Variants in CASD1 observed in about 807,000 individuals in gnomAD.
The protein encoded by CASD1 is N-acetylneuraminate (7)9-O-acetyltransferase.
CASD1 carries 41 observed loss-of-function variants against 100.0 expected under a neutral mutation model. The observed-to-expected ratio is 0.41, with a 90% CI of 0.32 to 0.53. The LOEUF is 0.53. Among genes scored for constraint, CASD1 ranks in the 20% least tolerant of loss-of-function variants. CASD1 has a pLI of 0.25. For synonymous variants in CASD1, 321 were observed against 315.6 expected (o/e 1.02, Z -0.18); for missense variants, 774 against 948.7 (o/e 0.82, Z 2.42).
chr7:94,584,070 T>C, the CASD1 span, among the ~76,000 whole-genome samples: 7 of 152,164 alleles, frequency 4.6e-5, no homozygotes, highest in African/African-American at 1.7e-4. Flanking sequence ...AATACCTCAA[T>C]ATGGTCAGTG....
the CASD1 span, chr7:94,603,220 G>A: frequency 1.1e-5 from 14 of 1,239,938 alleles, no homozygotes; most frequent in African/African-American, 3.0e-5. Flanking sequence ...AGCAGTTCAG[G>A]TTTTAGTCAA....
At chr7:94,623,737 CA>C in the CASD1 span, 696 of 332,598 alleles carry the variant, frequency 2.1e-3, no homozygotes, top group Admixed American at 6.9e-3. Flanking sequence ...TCTAAGATTT[CA>C]AAAAAAAAAC....
chr7:94,630,359 C>T, the CASD1 span, among the ~76,000 whole-genome samples: 3 of 151,614 alleles, frequency 2.0e-5, no homozygotes, highest in East Asian at 1.9e-4. Flanking sequence ...GCGGTTTTTA[C>T]GTATACTTAT....
chr7:94,619,051 T>A, the CASD1 span: 1 of 874,038 alleles, frequency 1.1e-6, no homozygotes, highest in Non-Finnish European at 1.9e-6. Context: ...AGTTCTGTCA[T>A]AATCCTGGCA....
rs766919883 is a variant in CASD1, at chr7:94,555,671, A to C, written c.2307A>C (p.Ser769=). 11 of 1,613,242 alleles carry C rather than the reference A, an allele frequency of 6.8e-6. No individual in the cohort carries two copies. In the Admixed American group the frequency reaches 1.8e-4, roughly 27 times the overall value. Residue 769 remains serine, a synonymous_variant, in exon 18 of 18, where the codon TCA becomes TCC. Transcript: ENST00000297273. Reference sequence around the variant, plus strand: ...AGATTATTATTCCTAAAGATAACTCATCTCTCTTGAAAAGGTTGGCATGTA... The same window carrying C: ...AGATTATTATTCCTAAAGATAACTCCTCTCTCTTGAAAAGGTTGGCATGTA... ...LAQIIIPKDN[S]SLLKRLACIA...
At chr7:94,551,096 A>G (rs572935301) in intron 14 of CASD1, among the ~76,000 whole-genome samples, 15 of 152,276 alleles carry the variant, frequency 9.9e-5, no homozygotes, top group Middle Eastern at 3.4e-3. Flanking sequence ...ACTGCTCAGA[A>G]TCAACCAGTG....
At chr7:94,535,877 C>G (rs2116327356) in intron 8 of CASD1, among the ~76,000 whole-genome samples, 1 of 152,296 alleles carries the variant, frequency 6.6e-6, no homozygotes, top group East Asian at 1.9e-4. Flanking sequence ...TACCTTAAAC[C>G]TTAAGCTTTC....
chr7:94,515,163 T>C (rs1182351288), intron 1 of CASD1, among the ~76,000 whole-genome samples: 2 of 152,102 alleles, frequency 1.3e-5, no homozygotes, highest in Non-Finnish European at 2.9e-5. Flanking sequence ...TTATATTAGA[T>C]TCTGGTAAAA....
chr7:94,588,948 A>G, the CASD1 span: 72 of 567,662 alleles, frequency 1.3e-4, no homozygotes, highest in African/African-American at 1.2e-3. Context: ...TGAAATTTTC[A>G]CTGCGGGCTA....
intron 10 of CASD1, 85 bp downstream of exon 10, chr7:94,539,141 T>C (rs1795261216): frequency 2.9e-6 from 2 of 691,336 alleles, no homozygotes; most frequent in African/African-American, 1.8e-5. Flanking sequence ...TTTTTGTGTT[T>C]TATAATCTCT....
chr7:94,613,269 T>G, the CASD1 span, among the ~76,000 whole-genome samples: 1 of 152,204 alleles, frequency 6.6e-6, no homozygotes, highest in Non-Finnish European at 1.5e-5. Context: ...TTTGTCTGAG[T>G]CCATGTGTAA....
At chr7:94,587,778 C>T in the CASD1 span, 1 of 1,546,766 alleles carries the variant, frequency 6.5e-7, no homozygotes, top group Non-Finnish European at 8.7e-7. Flanking sequence ...TTATACTTGC[C>T]TCAAATCTTT....
the CASD1 span, among the ~76,000 whole-genome samples, chr7:94,571,643 C>G: frequency 1.3e-5 from 2 of 152,074 alleles, no homozygotes; most frequent in Non-Finnish European, 2.9e-5. Context: ...AAATGGTAAA[C>G]TTAGATACGT....
At chr7:94,599,645 C>G in the CASD1 span, 2 of 1,474,862 alleles carry the variant, frequency 1.4e-6, no homozygotes, top group East Asian at 2.3e-5. Flanking sequence ...TGATGGGCAA[C>G]TGAGAGGTGG....
the CASD1 span, among the ~76,000 whole-genome samples, chr7:94,576,344 T>C: frequency 2.0e-5 from 3 of 152,196 alleles, no homozygotes; most frequent in East Asian, 5.8e-4. Flanking sequence ...GCCTGGCCAT[T>C]GGCTGGCCCC....
At chr7:94,618,570 G>A in the CASD1 span, 2 of 569,458 alleles carry the variant, frequency 3.5e-6, no homozygotes, top group Non-Finnish European at 6.1e-6. Context: ...AGGAACTTGA[G>A]ATATAAAAAA....
intron 1 of CASD1, among the ~76,000 whole-genome samples, chr7:94,511,900 A>G (rs573547204): frequency 6.6e-6 from 1 of 152,294 alleles, no homozygotes; most frequent in South Asian, 2.1e-4. Flanking sequence ...CAGTGTAGCA[A>G]TCTGGGATTG....
chr7:94,590,383 G>A, the CASD1 span: 1 of 152,000 alleles, frequency 6.6e-6, no homozygotes, highest in African/African-American at 2.4e-5. Context: ...GATTGTCATT[G>A]TATTCTCTGT....
intron 1 of CASD1, among the ~76,000 whole-genome samples, chr7:94,513,387 A>G (rs1324684878): frequency 6.6e-6 from 1 of 151,620 alleles, no homozygotes; most frequent in Non-Finnish European, 1.5e-5. Context: ...TGTTTGTGTA[A>G]AGCTTCAAAA....
Sources: gnomAD v4.1 joint callset for allele counts (sites outside exome capture counted in the v4.1 genomes callset) on GRCh38, gnomAD v4.1.1 for gene constraint, MANE v1.5 for transcripts, NCBI Gene and HGNC (gene_info 2026-07-23, HGNC 2026-07-21) for gene names.